The following SRCAP variants were observed in gnomAD, a reference collection of about 807,000 sequenced individuals.
The protein encoded by SRCAP is chromatin remodeling protein SRCAP.
SRCAP carries 46 observed loss-of-function variants against 263.1 expected under a neutral mutation model. The observed-to-expected ratio is 0.17, with a 90% CI of 0.14 to 0.22. SRCAP has a LOEUF of 0.22. SRCAP is among the 10% of genes least tolerant of loss of function. The probability of loss-of-function intolerance (pLI) is 1.00; values close to 1 mark genes in which losing one functional copy is unlikely to be tolerated. For missense variants in SRCAP, 3,695 were observed against 4,181.9 expected (o/e 0.88, Z 3.21); for synonymous variants, 1,813 against 1,662.1 (o/e 1.09, Z -2.21).
chr16:30,716,579 T>G, intron 18 of SRCAP, 100 bp downstream of exon 18: 2 of 1,023,442 alleles, frequency 2.0e-6, no homozygotes, highest in Non-Finnish European at 2.9e-6. Context: ...TGCATCCTCA[T>G]GACTCCCCTA....
chr16:30,732,781 G>A (rs1425626811), intron 27 of SRCAP, among the ~76,000 whole-genome samples: 2 of 152,334 alleles, frequency 1.3e-5, no homozygotes, highest in South Asian at 2.1e-4. Context: ...TTCTAGGCTG[G>A]AGCAGACCGA....
intron 21 of SRCAP, 49 bp downstream of exon 21, chr16:30,721,525 T>C (rs1456967971): frequency 1.3e-6 from 2 of 1,583,644 alleles, no homozygotes; most frequent in African/African-American, 1.3e-5. Flanking sequence ...GGAGGAAAGC[T>C]CAGGACCATG....
intron 25 of SRCAP, 137 bp downstream of exon 25, chr16:30,725,219 T>C: frequency 1.4e-6 from 2 of 1,435,570 alleles, no homozygotes; most frequent in Non-Finnish European, 1.8e-6. Context: ...TTGAGTGACA[T>C]TTGGACAAGT....
chr16:30,712,951 G>A, intron 14 of SRCAP, 136 bp downstream of exon 14: 1 of 1,210,440 alleles, frequency 8.3e-7, no homozygotes, highest in Non-Finnish European at 1.1e-6. Flanking sequence ...ATAAAGATGG[G>A]GTCTCACTAT....
In SRCAP at chr16:30,740,788, T is replaced by G. The variant is rs1029233331; in HGVS notation, c.*1055T>G. The G allele has an allele frequency of 2.6e-5, 4 of 152,330 alleles. No individual in the cohort carries two copies. Among genetic ancestry groups the G allele is most frequent in the Non-Finnish European group, 5.9e-5 (4 of 68,130 alleles). The allele number at this position is 152,330 out of a possible 1,614,324, so 9.4% of individuals were successfully genotyped here. A position where few individuals can be genotyped will look rare whatever the true frequency, so the allele number is the denominator to read the frequency against. ...TCCTCCTGTTGACTCTGTGCTTACC[T>G]CATCTGAGTTATTTCTTTGTATCTA... On this transcript the variant is annotated 3_prime_UTR_variant, in exon 34 of 34. Transcript: ENST00000262518.
Position 30,712,734 on chromosome 16 carries a change from G to T in SRCAP, c.2049G>T (p.Glu683Asp). The T allele has an allele frequency of 6.2e-7, 1 of 1,614,126 alleles. No individual in the cohort carries two copies. Among genetic ancestry groups the T allele is most frequent in the Non-Finnish European group, 8.5e-7 (1 of 1,180,012 alleles). The change falls in exon 14 of 34, where the codon GAG (glutamate) becomes GAT (aspartate). Residue 683 changes from glutamate (E) to aspartate (D), a missense_variant. By Grantham distance (45) the Glu-to-Asp change is conservative. Transcript: ENST00000262518. ...CCACCAGCGTGATGTTGAACTGGGAGATGGAGTTGAAACGGTGGTGCCCCA... is the reference window on the plus strand; with the variant it reads ...CCACCAGCGTGATGTTGAACTGGGATATGGAGTTGAAACGGTGGTGCCCCA... ...IVPTSVMLNW[E>D]MELKRWCPSF...
In SRCAP at chr16:30,729,671, T is replaced by C. The variant is rs181911350; in HGVS notation, c.6127+99T>C. ...ATGCTGCACTTAAGTTCTCTTGCGA[T>C]TTCTGTAAAGCTTTAGATGGTTTTT... On this transcript the variant is annotated intron_variant, in intron 27 of 33. Transcript: ENST00000262518. The C allele has an allele frequency of 5.8e-4, 823 of 1,428,754 alleles. 5 individuals are homozygous for C. The African/African-American group carries it at 0.01, about 18-fold the overall frequency. The allele number at this position is 1,428,754 out of a possible 1,614,324, so 88.5% of individuals were successfully genotyped here.
rs1344166023 is a variant in SRCAP, at chr16:30,718,186, GGGT to G, written c.2817+1710_2817+1712del. Among the ~76,000 whole-genome samples, 28 of 149,268 alleles carry G rather than the reference GGGT, an allele frequency of 1.9e-4. 1 individual carries two copies. The highest frequency in any genetic ancestry group is 3.6e-4 in the Non-Finnish European group (24 of 66,852). On this transcript the variant is annotated intron_variant, in intron 18 of 33. Transcript: ENST00000262518. ...CCACACCTAGTTTTAATTTTTTTTT[GGGT>G]GGGGGGGGCAGAGTTCTGCTCTTGT...
rs1042135019 is a variant in SRCAP at position 30,722,683 on chromosome 16, C to T, written c.3827C>T (p.Pro1276Leu). 3.7e-6 allele frequency: 6 copies of T among 1,613,998 alleles called. No homozygotes were observed. The highest frequency in any genetic ancestry group is 5.1e-6 in the Non-Finnish European group (6 of 1,180,012). Residue 1276 changes from proline to leucine, a missense_variant, in exon 23 of 34, where the codon CCT (proline) becomes CTT (leucine). By Grantham distance (98) the Pro-to-Leu change is moderately conservative. Coordinates refer to ENST00000262518, the MANE Select transcript of SRCAP (RefSeq NM_006662.3). ...TPGPTPVSVL[P>L]SSTPSTTPAP... ...GGCCCTACCCCTGTCTCTGTGCTGC[C>T]TTCTTCGACCCCCAGCACCACCCCT...
chr16:30,700,501 A>G, intron 2 of SRCAP, 115 bp from the exon 3 acceptor site: 1 of 251,576 alleles, frequency 4.0e-6, no homozygotes, highest in Non-Finnish European at 7.8e-6. Context: ...AAGAAATGTA[A>G]CCTGTAATTT....
At chr16:30,706,909 G>A (rs774944122) in intron 4 of SRCAP, among the ~76,000 whole-genome samples, 6 of 152,112 alleles carry the variant, frequency 3.9e-5, no homozygotes, top group Non-Finnish European at 8.8e-5. Context: ...GCTGTCTGGA[G>A]TCCTCAGACC....
chr16:30,700,676 T>A lies in SRCAP; in HGVS notation c.-149T>A. On this transcript the variant is annotated 5_prime_UTR_variant, in exon 3 of 34. Coordinates refer to ENST00000262518, the MANE Select transcript of SRCAP (RefSeq NM_006662.3). ...GGACGCCCTGGTGGGCCCCGGGCCC[T>A]GGAAGGCGGGTCCCGGTGGCCGGTG... 1 of 675,882 alleles carries A rather than the reference T, an allele frequency of 1.5e-6. No individual in the cohort carries two copies. The highest frequency in any genetic ancestry group is 2.4e-6 in the Non-Finnish European group (1 of 410,622). The allele number at this position is 675,882 out of a possible 1,614,324, so 41.9% of individuals were successfully genotyped here. A position where few individuals can be genotyped will look rare whatever the true frequency, so the allele number is the denominator to read the frequency against.
At position 30,724,878 on chromosome 16, in the gene SRCAP, C is replaced by T. The variant is rs533225349; in HGVS notation, c.5454C>T (p.Ser1818=). Residue 1818 remains serine (S), a synonymous_variant, in exon 25 of 34, where the codon TCC becomes TCT. Coordinates refer to ENST00000262518, the MANE Select transcript of SRCAP (RefSeq NM_006662.3). ...CAGCCTCCACACAGTCCCCAGCTTCCCAGGCATCTTCCCTTGTGGTTTCGG... is the reference window on the plus strand; with the variant it reads ...CAGCCTCCACACAGTCCCCAGCTTCTCAGGCATCTTCCCTTGTGGTTTCGG... ...LAPASTQSPA[S]QASSLVVSAS... 5 of 1,614,226 alleles carry T rather than the reference C, an allele frequency of 3.1e-6. No individual in the cohort carries two copies. In the East Asian group the frequency reaches 1.1e-4, roughly 36 times the overall value.
intron 27 of SRCAP, among the ~76,000 whole-genome samples, chr16:30,730,947 C>T (rs1342019438): frequency 5.3e-5 from 8 of 152,026 alleles, no homozygotes; most frequent in South Asian, 2.1e-4. Flanking sequence ...GGATTACACA[C>T]GTGAGCCATT....
At chr16:30,722,441 G>A (rs775425207) in intron 22 of SRCAP, 122 bp from the exon 23 acceptor site, 22 of 1,501,324 alleles carry the variant, frequency 1.5e-5, no homozygotes, top group Admixed American at 2.0e-5. Flanking sequence ...GATAAAGATA[G>A]GGAAGAGGTC....
At chr16:30,707,391 C>T (rs1399494516) in intron 5 of SRCAP, 23 bp downstream of exon 5, 7 of 1,611,148 alleles carry the variant, frequency 4.3e-6, no homozygotes, top group Non-Finnish European at 5.9e-6. Flanking sequence ...CTGGGACTTC[C>T]TTCCTTTTCC....
At chr16:30,717,610 CTTT>C (rs34512915) in intron 18 of SRCAP, among the ~76,000 whole-genome samples, 3 of 91,138 alleles carry the variant, frequency 3.3e-5, no homozygotes, top group African/African-American at 8.6e-5. Context: ...CCAAGCCTGG[CTTT>C]TTTTTTTTTT....
intron 4 of SRCAP, among the ~76,000 whole-genome samples, chr16:30,706,915 A>G (rs1044188627): frequency 6.6e-6 from 1 of 152,156 alleles, no homozygotes; most frequent in Non-Finnish European, 1.5e-5. Flanking sequence ...TGGAGTCCTC[A>G]GACCTATTTT....
intron 25 of SRCAP, chr16:30,725,703 C>T (rs1018857126): frequency 2.0e-5 from 3 of 152,298 alleles, no homozygotes; most frequent in Non-Finnish European, 4.4e-5. Context: ...AGATAATAGC[C>T]TCTTGCCACT....
Sources: allele counts gnomAD v4.1 joint callset (sites outside exome capture counted in the v4.1 genomes callset), GRCh38; gene constraint gnomAD v4.1.1; transcripts MANE v1.5; gene names NCBI Gene and HGNC (gene_info 2026-07-23, HGNC 2026-07-21).